Variants in BICRA observed in about 807,000 individuals in gnomAD.
BICRA encodes the protein BRD4-interacting chromatin-remodeling complex-associated protein.
BICRA carries 31 observed loss-of-function variants against 96.9 expected under a neutral mutation model. The observed-to-expected ratio is 0.32, with a 90% CI of 0.24 to 0.43. BICRA has a LOEUF of 0.43. Ranked by LOEUF, BICRA falls within the 20% of genes least tolerant of loss-of-function variation. The pLI is 1.00. For synonymous variants in BICRA, 1,350 were observed against 1,071.8 expected (o/e 1.26, Z -5.07); for missense variants, 2,283 against 2,190.3 (o/e 1.04, Z -0.84).
At chr19:47,690,327 A>G (rs1342701259) in intron 7 of BICRA, among the ~76,000 whole-genome samples, 2 of 152,174 alleles carry the variant, frequency 1.3e-5, no homozygotes, top group Non-Finnish European at 2.9e-5. Context: ...TATTTCCCAC[A>G]TATGCAGGTC....
rs1973486601 is a variant in BICRA at position 47,702,682 on chromosome 19, C to G, written c.*267C>G. Reference sequence around the variant, plus strand: ...AGTGCTGTGTCAGTTCCTGTTTCTTCCCATTTCCTGGCACACTCTGCCCCT... The same window carrying G: ...AGTGCTGTGTCAGTTCCTGTTTCTTGCCATTTCCTGGCACACTCTGCCCCT... On this transcript the variant is annotated 3_prime_UTR_variant, in exon 15 of 15. Transcript: ENST00000594866. 2 of 493,960 alleles carry G rather than the reference C, an allele frequency of 4.0e-6. No homozygotes were observed. Among genetic ancestry groups the G allele is most frequent in the South Asian group, 6.0e-5 (2 of 33,066 alleles). The allele number at this position is 493,960 out of a possible 1,614,324, so 30.6% of individuals were successfully genotyped here.
chr19:47,667,408 T>C (rs890978899), intron 1 of BICRA, among the ~76,000 whole-genome samples: 1 of 152,136 alleles, frequency 6.6e-6, no homozygotes, highest in Non-Finnish European at 1.5e-5. Flanking sequence ...AAATTCACCC[T>C]CGGGACTGGT....
intron 4 of BICRA, among the ~76,000 whole-genome samples, chr19:47,674,384 C>A (rs1972911784): frequency 6.6e-6 from 1 of 150,714 alleles, no homozygotes; most frequent in Admixed American, 6.6e-5. Context: ...CTCTGATGGG[C>A]CCTTAAACAC....
In BICRA at chr19:47,661,213, CAAA is replaced by C. The variant is rs58327756; in HGVS notation, c.-107-9216_-107-9214del. 6.5e-5 allele frequency among the ~76,000 whole-genome samples: 5 copies of C among 76,482 alleles called. 1 individual carries two copies. Among genetic ancestry groups the C allele is most frequent in the Non-Finnish European group, 6.9e-5 (3 of 43,278 alleles). 50.2% of individuals were successfully genotyped at this position (76,482 alleles called of 152,430 possible). A position where few individuals can be genotyped will look rare whatever the true frequency, so the allele number is the denominator to read the frequency against. On this transcript the variant is annotated intron_variant, in intron 1 of 14. Coordinates refer to ENST00000594866, the MANE Select transcript of BICRA (RefSeq NM_001394372.1). Reference sequence around the variant, plus strand: ...TGGGTGACTGAGCGAGACTCCGTCTCAAAAAAAAAAAAAAAAGACGAAGTACTT... The same window carrying C: ...TGGGTGACTGAGCGAGACTCCGTCTCAAAAAAAAAAAAAGACGAAGTACTT...
chr19:47,702,200 G>A lies in BICRA; in HGVS notation c.4468G>A (p.Asp1490Asn), dbSNP rs745446934. The A allele has an allele frequency of 6.3e-7, 1 of 1,593,892 alleles. No individual in the cohort carries two copies. The highest frequency in any genetic ancestry group is 8.5e-7 in the Non-Finnish European group (1 of 1,175,742). ...PDVDQASFSS[D>N]SPQDDTLTEH... ...CGTGGACCAGGCCAGCTTCTCCAGC[G>A]ACAGCCCGCAGGATGACACGCTCAC... Residue 1490 changes from aspartate to asparagine, a missense_variant, in exon 15 of 15, where the codon GAC (aspartate) becomes AAC (asparagine). By Grantham distance (23) the Asp-to-Asn change is conservative. Transcript: ENST00000594866.
At chr19:47,654,512 C>T (rs1362844108) in intron 1 of BICRA, among the ~76,000 whole-genome samples, 1 of 151,938 alleles carries the variant, frequency 6.6e-6, no homozygotes, top group African/African-American at 2.4e-5. Context: ...GACGGAGTCT[C>T]GTTCTGTCAC....
chr19:47,632,732 A>G (rs942956853), intron 1 of BICRA, among the ~76,000 whole-genome samples: 1 of 152,176 alleles, frequency 6.6e-6, no homozygotes, highest in Non-Finnish European at 1.5e-5. Flanking sequence ...CCGGGTTGTC[A>G]TTTGACCAAA....
chr19:47,692,833 C>G (rs1319018210), intron 7 of BICRA, among the ~76,000 whole-genome samples: 1 of 152,178 alleles, frequency 6.6e-6, no homozygotes. Context: ...CCGAGATGCC[C>G]GGTTCTGGAG....
At chr19:47,638,302 TTCTTCA>T (rs1389808857) in intron 1 of BICRA, among the ~76,000 whole-genome samples, 2 of 152,202 alleles carry the variant, frequency 1.3e-5, no homozygotes, top group African/African-American at 2.4e-5. Context: ...AGCCTGCTGC[TTCTTCA>T]GCTCCCGGGA....
intron 7 of BICRA, among the ~76,000 whole-genome samples, chr19:47,682,735 G>T (rs1028777933): frequency 2.7e-5 from 4 of 150,740 alleles, no homozygotes; most frequent in African/African-American, 9.8e-5. Context: ...GCAGTGGCGC[G>T]ATCTTGGCTC....
intron 1 of BICRA, among the ~76,000 whole-genome samples, chr19:47,661,219 A>AAAAAAAAAC (rs1972699770): frequency 6.6e-6 from 1 of 151,364 alleles, no homozygotes; most frequent in Non-Finnish European, 1.5e-5. Flanking sequence ...GTCTCAAAAA[A>AAAAAAAAAC]AAAAAAAAAA....
chr19:47,620,667 C>CAAAA (rs10675281), intron 1 of BICRA, among the ~76,000 whole-genome samples: 1,693 of 67,560 alleles, frequency 0.025, 123 homozygotes, highest in South Asian at 0.036. Context: ...GAGACTGTCT[C>CAAAA]AAAAAAAAAA....
Position 47,655,650 on chromosome 19 carries a change from C to T in BICRA, c.-107-14793C>T, listed in dbSNP as rs1421727079. Among the ~76,000 whole-genome samples the T allele has an allele frequency of 2.7e-5, 4 of 149,644 alleles. No homozygotes were observed. The East Asian group carries it at 5.9e-4, about 22-fold the overall frequency. On this transcript the variant is annotated intron_variant, in intron 1 of 14. Transcript: ENST00000594866. ...GGTGAATCACCTGAGGTCAGGAGTT[C>T]GAGACCAGCCTGGCCAACACGGTGA...
rs150491305 is a variant in BICRA, at chr19:47,623,142, T to C, written c.-108+13974T>C. Reference sequence around the variant, plus strand: ...TATTATATATAAAAATATATACTCCTATTTATAAAATTCCCTTTTATTTTC... The same window carrying C: ...TATTATATATAAAAATATATACTCCCATTTATAAAATTCCCTTTTATTTTC... On this transcript the variant is annotated intron_variant, in intron 1 of 14. Coordinates refer to ENST00000594866, the MANE Select transcript of BICRA (RefSeq NM_001394372.1). Among the ~76,000 whole-genome samples, 1,298 of 152,220 alleles carry C rather than the reference T, an allele frequency of 8.5e-3. 82 individuals are homozygous for C. Among genetic ancestry groups the C allele is most frequent in the Admixed American group, 0.079 (1,200 of 15,264 alleles).
chr19:47,682,504 T>G (rs1423634068), intron 7 of BICRA, among the ~76,000 whole-genome samples: 1 of 152,212 alleles, frequency 6.6e-6, no homozygotes. Flanking sequence ...AACCGTGGCC[T>G]CCTGTTGTCC....
chr19:47,628,923 T>C (rs949757272), intron 1 of BICRA, among the ~76,000 whole-genome samples: 1 of 151,078 alleles, frequency 6.6e-6, no homozygotes, highest in Non-Finnish European at 1.5e-5. Context: ...CATTTTTAAA[T>C]GTGCAGTTCA....
intron 1 of BICRA, among the ~76,000 whole-genome samples, chr19:47,644,866 G>A (rs1972437053): frequency 6.6e-6 from 1 of 152,066 alleles, no homozygotes; most frequent in Non-Finnish European, 1.5e-5. Context: ...GCAGGTCTCA[G>A]TTTACTCTTA....
At chr19:47,655,965 T>C (rs915020170) in intron 1 of BICRA, among the ~76,000 whole-genome samples, 10 of 151,780 alleles carry the variant, frequency 6.6e-5, no homozygotes, top group Admixed American at 2.6e-4. Flanking sequence ...CTGGGCATGG[T>C]AGCTCACGCC....
intron 7 of BICRA, among the ~76,000 whole-genome samples, chr19:47,693,365 G>C (rs1458729164): frequency 1.3e-5 from 2 of 152,198 alleles, no homozygotes; most frequent in African/African-American, 4.8e-5. Flanking sequence ...TCGTGCACAC[G>C]CATGCACGCT....
Sources: allele counts gnomAD v4.1 joint callset (sites outside exome capture counted in the v4.1 genomes callset), GRCh38; gene constraint gnomAD v4.1.1; transcripts MANE v1.5; gene names NCBI Gene and HGNC (gene_info 2026-07-23, HGNC 2026-07-21).